TRNT1: variants seen among roughly 807,000 people sequenced by gnomAD.
TRNT1 encodes CCA tRNA nucleotidyltransferase 1, mitochondrial.
A neutral mutation model predicts 45.6 loss-of-function variants in TRNT1; 44 were observed. The observed-to-expected ratio is 0.97, with a 90% confidence interval of 0.76 to 1.24. TRNT1 has a LOEUF of 1.24. TRNT1 is among the 50% of genes most tolerant of loss of function. The pLI is 0.00. For missense variants in TRNT1, 633 were observed against 504.4 expected, an observed-to-expected ratio of 1.25 and a Z score of -2.44; for synonymous variants, 201 against 171.4, an observed-to-expected ratio of 1.17 and a Z score of -1.35.
At chr3:3,131,531 C>A (rs1705017443) in intron 2 of TRNT1, 1 of 150,908 alleles carries the variant, frequency 6.6e-6, no homozygotes, top group South Asian at 2.1e-4. Context: ...AAAATCAATT[C>A]AAGATGGATT....
chr3:3,146,570 A>G lies in TRNT1; in HGVS notation c.749A>G (p.His250Arg), dbSNP rs569328524. 5.0e-6 allele frequency: 8 copies of G among 1,613,996 alleles called. No individual in the cohort carries two copies. In the East Asian group the frequency reaches 1.8e-4, roughly 36 times the overall value. The change falls in exon 6 of 8, where the codon CAT becomes CGT. Residue 250 changes from histidine (H) to arginine (R), a missense_variant. Physicochemically the swap from His to Arg is conservative, Grantham distance 29. Coordinates refer to ENST00000251607, the MANE Select transcript of TRNT1 (RefSeq NM_182916.3). ...VELKKILVGN[H>R]VNHLIHLIYD... ...CTGAAAAAAATTCTTGTTGGTAACC[A>G]TGTAAATCATTTGATTCACCTTATC...
chr3:3,148,099 A>C lies in TRNT1; in HGVS notation c.1250A>C (p.Lys417Thr), dbSNP rs754594913. The C allele has an allele frequency of 6.8e-6, 11 of 1,613,806 alleles. No individual in the cohort carries two copies. Among genetic ancestry groups the C allele is most frequent in the Admixed American group, 1.7e-5 (1 of 59,982 alleles). Residue 417 changes from lysine (K) to threonine (T), a missense_variant, in exon 8 of 8, where the codon AAA (lysine) becomes ACA (threonine). Coordinates refer to ENST00000251607, the MANE Select transcript of TRNT1 (RefSeq NM_182916.3). ...LLQQLREQWK[K>T]SGYQMEKDEL... The stretch of plus-strand genomic sequence containing the variant: ...CAACAGTTGCGAGAACAGTGGAAAA[A>C]AAGTGGTTACCAAATGGAAAAAGAT...
chr3:3,141,609 C>T (rs1351799540), intron 4 of TRNT1, among the ~76,000 whole-genome samples: 1 of 152,180 alleles, frequency 6.6e-6, no homozygotes, highest in East Asian at 1.9e-4. Context: ...GGGCTAGATA[C>T]GAATTAGGTT....
intron 4 of TRNT1, chr3:3,140,858 G>T (rs1705605563): frequency 1.6e-5 from 7 of 427,310 alleles, no homozygotes; most frequent in Non-Finnish European, 3.0e-5. Context: ...CAAGGCAGGC[G>T]GATCATGGGG....
In TRNT1 at chr3:3,142,577, T is replaced by A. The variant is rs553659321; in HGVS notation, c.481+1929T>A. Reference sequence around the variant, plus strand: ...CAAAACAAAATACACACCAGTATGATGCTTACTAAGCTTTGTGTAGTTTTC... The same window carrying A: ...CAAAACAAAATACACACCAGTATGAAGCTTACTAAGCTTTGTGTAGTTTTC... On this transcript the variant is annotated intron_variant, in intron 4 of 7. Coordinates refer to ENST00000251607, the MANE Select transcript of TRNT1 (RefSeq NM_182916.3). 2.6e-5 allele frequency among the ~76,000 whole-genome samples: 4 copies of A among 152,376 alleles called. No homozygotes were observed. In the South Asian group the frequency reaches 8.3e-4, roughly 32 times the overall value.
chr3:3,128,980 AT>A, intron 1 of TRNT1, 33 bp from the exon 2 acceptor site: 1 of 1,462,000 alleles, frequency 6.8e-7, no homozygotes, highest in Non-Finnish European at 9.2e-7. Flanking sequence ...TTCACTTTTA[AT>A]TTCATTGGTA....
intron 5 of TRNT1, among the ~76,000 whole-genome samples, chr3:3,146,217 T>C (rs1308714893): frequency 2.0e-5 from 3 of 151,982 alleles, no homozygotes. Context: ...AGGCTACTTA[T>C]ATTTTATTCG....
chr3:3,137,227 TG>T, intron 2 of TRNT1, 32 bp from the exon 3 acceptor site: 1 of 1,529,642 alleles, frequency 6.5e-7, no homozygotes, highest in Non-Finnish European at 8.8e-7. Flanking sequence ...ATAAAGAACT[TG>T]GGAATAAAAA....
chr3:3,136,618 A>C (rs192145418), intron 2 of TRNT1: 1 of 434,516 alleles, frequency 2.3e-6, no homozygotes, highest in Non-Finnish European at 4.5e-6. Flanking sequence ...ATAAATGGGG[A>C]AAAGAAAGCA....
intron 5 of TRNT1, 75 bp downstream of exon 5, chr3:3,144,785 ACAG>A (rs1705882010): frequency 7.4e-7 from 1 of 1,358,448 alleles, no homozygotes; most frequent in Non-Finnish European, 9.8e-7. Context: ...TACGAAACCC[ACAG>A]CAGGTCAGTG....
downstream of TRNT1, among the ~76,000 whole-genome samples, chr3:3,151,472 GGAAGGACACGTC>G (rs1424516485): frequency 6.8e-6 from 1 of 147,814 alleles, no homozygotes. Context: ...GGATGGGCCA[GGAAGGACACGTC>G]TCAAAAAGTA....
In TRNT1 at chr3:3,129,695, C is replaced by G. The variant is rs185724323; in HGVS notation, c.148+507C>G. ...GACTGCAGTAAAAAGCATGGCTTTTCTGTATGCTGTGCTAAGTACTTGCCA... is the reference window on the plus strand; with the variant it reads ...GACTGCAGTAAAAAGCATGGCTTTTGTGTATGCTGTGCTAAGTACTTGCCA... On this transcript the variant is annotated intron_variant, in intron 2 of 7. Transcript: ENST00000251607. Among the ~76,000 whole-genome samples, 13 of 152,350 alleles carry G rather than the reference C, an allele frequency of 8.5e-5. No individual in the cohort carries two copies. In the East Asian group the frequency reaches 2.3e-3, roughly 27 times the overall value.
intron 2 of TRNT1, among the ~76,000 whole-genome samples, chr3:3,136,458 G>C (rs1400155926): frequency 6.6e-6 from 1 of 152,128 alleles, no homozygotes; most frequent in Non-Finnish European, 1.5e-5. Context: ...ATTATATACA[G>C]ACCATTTCTT....
At chr3:3,142,423 G>A (rs989021489) in intron 4 of TRNT1, among the ~76,000 whole-genome samples, 1 of 152,162 alleles carries the variant, frequency 6.6e-6, no homozygotes, top group Non-Finnish European at 1.5e-5. Flanking sequence ...CTTGTAAAGT[G>A]TAGGATCAGA....
chr3:3,149,334 A>T (rs1706307285), downstream of TRNT1: 1 of 152,196 alleles, frequency 6.6e-6, no homozygotes, highest in African/African-American at 2.4e-5. Context: ...CATATAATAC[A>T]TACTATTTCT....
intron 2 of TRNT1, among the ~76,000 whole-genome samples, chr3:3,132,746 A>AC (rs774080539): frequency 1.6e-4 from 17 of 107,954 alleles, no homozygotes; most frequent in African/African-American, 4.9e-4. Flanking sequence ...AAAAAAAAAC[A>AC]CAAAAAAAAA....
intron 4 of TRNT1, among the ~76,000 whole-genome samples, chr3:3,142,045 A>AG (rs747730820): frequency 3.9e-5 from 6 of 152,192 alleles, no homozygotes; most frequent in Non-Finnish European, 8.8e-5. Context: ...TCCAAGGCCT[A>AG]GGCAATATAT....
Position 3,144,639 on chromosome 3 carries a change from GAA to G in TRNT1, c.539_540del (p.Lys180SerfsTer2), listed in dbSNP as rs1252833178. 2.5e-6 allele frequency: 4 copies of G among 1,585,266 alleles called. No homozygotes were observed. In the African/African-American group the frequency reaches 5.4e-5, roughly 21 times the overall value. On this transcript the variant is annotated frameshift_variant, in exon 5 of 8. Coordinates refer to ENST00000251607, the MANE Select transcript of TRNT1 (RefSeq NM_182916.3). LOFTEE classifies it high-confidence loss of function. ...FNGYEDLKNK[K>X]VRFVGHAKQR... The stretch of plus-strand genomic sequence containing the variant: ...ATGGTTATGAAGATTTAAAAAATAA[GAA>G]AGTTAGATTTGTTGGACATGCTAAA...
At chr3:3,135,235 A>C (rs1217659640) in intron 2 of TRNT1, among the ~76,000 whole-genome samples, 3 of 152,070 alleles carry the variant, frequency 2.0e-5, no homozygotes, top group Non-Finnish European at 4.4e-5. Context: ...CACACAAGCA[A>C]AATTATGGAG....
Sources: gnomAD v4.1 joint callset for allele counts (sites outside exome capture counted in the v4.1 genomes callset) on GRCh38, gnomAD v4.1.1 for gene constraint, MANE v1.5 for transcripts, NCBI Gene and HGNC (gene_info 2026-07-23, HGNC 2026-07-21) for gene names.